The following CSMD1 variants were observed in gnomAD, a reference collection of about 807,000 sequenced individuals.
The protein encoded by CSMD1 is CUB and Sushi multiple domains 1, also known as CUB and sushi domain-containing protein 1.
Under a neutral mutation model 417.5 loss-of-function variants are expected in CSMD1, and 213 were observed. The observed-to-expected ratio is 0.51, with a 90% CI of 0.46 to 0.57. The LOEUF (loss-of-function observed/expected upper bound fraction) is 0.57, where lower values mean the gene tolerates loss of function less well. Among genes scored for constraint, CSMD1 ranks in the 20% least tolerant of loss-of-function variants. The pLI is 0.00. For synonymous variants in CSMD1, 2,862 were observed against 1,736.8 expected, an observed-to-expected ratio of 1.65 and a Z score of -16.11; for missense variants, 6,923 against 4,529.7, an observed-to-expected ratio of 1.53 and a Z score of -15.17.
At chr8:3,121,235 G>C (rs768378698) in intron 41 of CSMD1, among the ~76,000 whole-genome samples, 15 of 152,086 alleles carry the variant, frequency 9.9e-5, no homozygotes, top group Non-Finnish European at 2.1e-4. Flanking sequence ...GCTTCCTGTG[G>C]TTAAGCCCTG....
intron 3 of CSMD1, among the ~76,000 whole-genome samples, chr8:4,070,306 T>C (rs915189649): frequency 3.9e-5 from 6 of 152,182 alleles, no homozygotes; most frequent in African/African-American, 1.4e-4. Flanking sequence ...AAAAGTCTCA[T>C]GCACTTTAAA....
At chr8:3,120,525 T>C (rs1472852682) in intron 41 of CSMD1, among the ~76,000 whole-genome samples, 1 of 152,122 alleles carries the variant, frequency 6.6e-6, no homozygotes, top group African/African-American at 2.4e-5. Context: ...TTTAATAAAC[T>C]AATGAAATGG....
intron 3 of CSMD1, among the ~76,000 whole-genome samples, chr8:4,174,648 A>C (rs1247431110): frequency 6.3e-4 from 91 of 145,496 alleles, no homozygotes; most frequent in Non-Finnish European, 4.5e-5. Context: ...GGAATGTAGG[A>C]ATTATAGGAA....
intron 12 of CSMD1, among the ~76,000 whole-genome samples, chr8:3,462,188 C>G (rs945287372): frequency 3.3e-5 from 5 of 152,120 alleles, no homozygotes; most frequent in African/African-American, 1.2e-4. Context: ...TCATCCCAAG[C>G]AGTGTTCTGG....
chr8:4,746,655 A>C (rs572555661), intron 1 of CSMD1, among the ~76,000 whole-genome samples: 1 of 152,182 alleles, frequency 6.6e-6, no homozygotes, highest in Non-Finnish European at 1.5e-5. Flanking sequence ...GGGCAGCACA[A>C]ACTATGCAGT....
intron 6 of CSMD1, among the ~76,000 whole-genome samples, chr8:3,752,535 T>C (rs1363122069): frequency 6.6e-6 from 1 of 151,740 alleles, no homozygotes; most frequent in Non-Finnish European, 1.5e-5. Context: ...GCACCTGTAT[T>C]CCCAGCTACT....
chr8:4,195,084 G>A lies in CSMD1; in HGVS notation c.416-162985C>T, dbSNP rs545956694. On this transcript the variant is annotated intron_variant, in intron 3 of 69. Transcript: ENST00000635120. ...ATTCAGCTGTTACGCCTAGAATTCT[G>A]CCCATGAAATTGGAAACAGAAACCA... 2.0e-5 allele frequency among the ~76,000 whole-genome samples: 3 copies of A among 152,258 alleles called. No homozygotes were observed. The East Asian group carries it at 5.8e-4, about 29-fold the overall frequency.
chr8:4,924,342 G>A (rs528109673), intron 1 of CSMD1, among the ~76,000 whole-genome samples: 1 of 152,224 alleles, frequency 6.6e-6, no homozygotes, highest in East Asian at 1.9e-4. Context: ...TTCCTCTCAA[G>A]AATTTGAACG....
Position 3,136,477 on chromosome 8 carries a change from C to T in CSMD1, c.6241+5988G>A, listed in dbSNP as rs148245387. On this transcript the variant is annotated intron_variant, in intron 41 of 69. Coordinates refer to ENST00000635120, the MANE Select transcript of CSMD1 (RefSeq NM_033225.6). ...ACGGGGTTTCACCATGTTGGCCAGG[C>T]TGATCTCCGACTCCTGACTTCAGCT... is the stretch of plus-strand genomic sequence containing the variant. Among the ~76,000 whole-genome samples, 14 of 152,148 alleles carry T rather than the reference C, an allele frequency of 9.2e-5. No homozygotes were observed. In the East Asian group the frequency reaches 2.5e-3, roughly 27 times the overall value.
At chr8:3,790,561 G>C (rs1464572508) in intron 5 of CSMD1, among the ~76,000 whole-genome samples, 2 of 152,196 alleles carry the variant, frequency 1.3e-5, no homozygotes, top group East Asian at 1.9e-4. Context: ...AGACAACTAG[G>C]AACAATCATA....
At chr8:4,228,081 C>A (rs974342391) in intron 3 of CSMD1, among the ~76,000 whole-genome samples, 4 of 152,110 alleles carry the variant, frequency 2.6e-5, no homozygotes, top group African/African-American at 4.8e-5. Context: ...AACCCCACAC[C>A]AGGAGACACA....
chr8:4,641,305 A>G (rs1306902883), intron 1 of CSMD1, among the ~76,000 whole-genome samples: 4 of 152,116 alleles, frequency 2.6e-5, no homozygotes, highest in Admixed American at 2.6e-4. Flanking sequence ...TATACGAAAC[A>G]TCTGGCTCCT....
chr8:4,276,134 G>A (rs1346258559), intron 3 of CSMD1, among the ~76,000 whole-genome samples: 1 of 152,104 alleles, frequency 6.6e-6, no homozygotes, highest in Non-Finnish European at 1.5e-5. Context: ...TATACCCAAA[G>A]GGTTATAAAT....
At chr8:3,657,944 T>C (rs1214808449) in intron 7 of CSMD1, among the ~76,000 whole-genome samples, 2 of 152,306 alleles carry the variant, frequency 1.3e-5, no homozygotes, top group Non-Finnish European at 2.9e-5. Flanking sequence ...GGAGGGACCT[T>C]ACATCATTGT....
intron 2 of CSMD1, among the ~76,000 whole-genome samples, chr8:4,435,053 T>C (rs1467323730): frequency 6.6e-6 from 1 of 152,198 alleles, no homozygotes; most frequent in Non-Finnish European, 1.5e-5. Flanking sequence ...TCTAATATAG[T>C]TTGTGTGTAA....
chr8:4,218,502 A>T (rs1393282607), intron 3 of CSMD1, among the ~76,000 whole-genome samples: 1 of 152,200 alleles, frequency 6.6e-6, no homozygotes, highest in Non-Finnish European at 1.5e-5. Context: ...TTTTTCTAAT[A>T]AATAATATTT....
chr8:3,014,438 AC>A (rs1312613211), intron 52 of CSMD1, among the ~76,000 whole-genome samples: 2 of 152,156 alleles, frequency 1.3e-5, no homozygotes, highest in Non-Finnish European at 2.9e-5. Flanking sequence ...GAACAATCAC[AC>A]TGGATATGAG....
chr8:4,974,941 G>C (rs188724893), intron 1 of CSMD1, among the ~76,000 whole-genome samples: 9 of 152,312 alleles, frequency 5.9e-5, no homozygotes, highest in African/African-American at 9.6e-5. Context: ...GAGAGACAAA[G>C]AATTATTCGA....
intron 1 of CSMD1, among the ~76,000 whole-genome samples, chr8:4,896,592 T>C (rs1455600325): frequency 6.6e-6 from 1 of 152,128 alleles, no homozygotes. Context: ...TTTAACCATG[T>C]TCATAAATTA....
Sources: allele counts gnomAD v4.1 joint callset (sites outside exome capture counted in the v4.1 genomes callset), GRCh38; gene constraint gnomAD v4.1.1; transcripts MANE v1.5; gene names NCBI Gene and HGNC (gene_info 2026-07-23, HGNC 2026-07-21).